The following RFC1 variants were observed in gnomAD, a reference collection of about 807,000 sequenced individuals.
RFC1 encodes the protein replication factor C subunit 1.
A neutral mutation model predicts 137.4 loss-of-function variants in RFC1; 37 were observed. The observed-to-expected ratio is 0.27, with a 90% CI of 0.21 to 0.35. The LOEUF is 0.35. Among genes scored for constraint, RFC1 ranks in the 10% least tolerant of loss-of-function variants. The pLI is 1.00. For missense variants in RFC1, 1,205 were observed against 1,358.5 expected, an observed-to-expected ratio of 0.89 and a Z score of 1.78; for synonymous variants, 429 against 455.7, an observed-to-expected ratio of 0.94 and a Z score of 0.75.
intron 10 of RFC1, among the ~76,000 whole-genome samples, chr4:39,315,662 G>A (rs1739203837): frequency 6.6e-6 from 1 of 152,106 alleles, no homozygotes; most frequent in Admixed American, 6.5e-5. Context: ...GATCCACCAA[G>A]CTGCTCATGC....
intron 1 of RFC1, among the ~76,000 whole-genome samples, chr4:39,360,518 TTAAAATAAAATAAAATAAAATAAAA>T (rs59665003): frequency 6.8e-6 from 1 of 146,270 alleles, no homozygotes; most frequent in Non-Finnish European, 1.5e-5. Context: ...CAAAATAAAA[TTAAAATAAAATAAAATAAAATAAAA>T]TAAAATAAAA....
At chr4:39,300,200 G>T in intron 20 of RFC1, 60 bp downstream of exon 20, 1 of 1,610,342 alleles carries the variant, frequency 6.2e-7, no homozygotes, top group Non-Finnish European at 8.5e-7. Context: ...TTCTTCACGG[G>T]TATTTAGCCT....
In RFC1 at chr4:39,306,618, T is replaced by A; in HGVS notation, c.1969A>T (p.Thr657Ser). The A allele has an allele frequency of 1.2e-6, 2 of 1,610,488 alleles. No individual in the cohort carries two copies. The highest frequency in any genetic ancestry group is 1.7e-6 in the Non-Finnish European group (2 of 1,176,718). Residue 657 changes from threonine (T) to serine (S), a missense_variant, in exon 14 of 25, where the codon ACC becomes TCC. Transcript: ENST00000349703. ...LLSGPPGVGK[T>S]TTASLVCQEL... is the part of the protein sequence containing the mutation. ...TGACACACCAGGGAAGCTGTGGTGG[T>A]TTTGCCAACACCAGGAGGGCCTGAC... is the stretch of plus-strand genomic sequence containing the variant.
Position 39,308,987 on chromosome 4 carries a change from G to T in RFC1, c.1534C>A (p.Gln512Lys). The stretch of plus-strand genomic sequence containing the variant: ...GATGGACTAATTTTTCTTTTTCCTT[G>T]GACATTTTTTTGGGGTGTTCTCTCC... ...KLERTPQKNVQGKRKISPSKK... is the reference protein window; with the variant it reads ...KLERTPQKNVKGKRKISPSKK... The change falls in exon 13 of 25, where the codon CAA (glutamine) becomes AAA (lysine). Residue 512 changes from glutamine to lysine, a missense_variant. Gln to Lys is a moderately conservative substitution (Grantham distance 53). Around this residue, in one of 3 missense-constraint regions of RFC1, gnomAD observed 962 missense variants for 1,035.3 expected, o/e 0.93. Coordinates refer to ENST00000349703, the MANE Select transcript of RFC1 (RefSeq NM_002913.5). 8 of 1,611,252 alleles carry T rather than the reference G, an allele frequency of 5.0e-6. No individual in the cohort carries two copies. The highest frequency in any genetic ancestry group is 5.9e-6 in the Non-Finnish European group (7 of 1,179,554).
intron 9 of RFC1, among the ~76,000 whole-genome samples, chr4:39,317,401 T>TAAACCTGGGG (rs1464056045): frequency 4.6e-5 from 7 of 152,204 alleles, no homozygotes; most frequent in Admixed American, 4.6e-4. Context: ...TTTCCCCAAG[T>TAAACCTGGGG]AAACCTGATC....
At chr4:39,300,212 C>T (rs745500083) in intron 20 of RFC1, 48 bp downstream of exon 20, 14 of 1,611,606 alleles carry the variant, frequency 8.7e-6, no homozygotes, top group African/African-American at 2.7e-5. Flanking sequence ...ATTTAGCCTT[C>T]GCAGTGCTGG....
intron 4 of RFC1, among the ~76,000 whole-genome samples, chr4:39,331,035 C>T (rs1740077354): frequency 3.3e-5 from 5 of 152,204 alleles, no homozygotes; most frequent in Admixed American, 3.3e-4. Flanking sequence ...ATAACAGCCA[C>T]GTGGATCACC....
chr4:39,291,197 G>C (rs1305285758), intron 23 of RFC1, among the ~76,000 whole-genome samples: 1 of 152,130 alleles, frequency 6.6e-6, no homozygotes, highest in Non-Finnish European at 1.5e-5. Flanking sequence ...TTACAGAGAA[G>C]ATTATCCAAC....
intron 16 of RFC1, 31 bp downstream of exon 16, chr4:39,303,029 T>C (rs1738446942): frequency 6.4e-7 from 1 of 1,557,310 alleles, no homozygotes; most frequent in Non-Finnish European, 8.9e-7. Flanking sequence ...TTATCAACAG[T>C]GAAACTGCAA....
intron 6 of RFC1, among the ~76,000 whole-genome samples, chr4:39,324,912 G>A (rs566729089): frequency 6.6e-6 from 1 of 152,264 alleles, no homozygotes; most frequent in East Asian, 1.9e-4. Context: ...TCTAACAGCC[G>A]GCAGCTAAGC....
In RFC1 at chr4:39,303,035, T is replaced by C. The variant is rs372513223; in HGVS notation, c.2202+25A>G. The C allele has an allele frequency of 3.2e-6, 5 of 1,572,070 alleles. No individual in the cohort carries two copies. In the African/African-American group the frequency reaches 4.0e-5, roughly 13 times the overall value. ...CAATCTAAATTATCAACAGTGAAAC[T>C]GCAAAAATACAGCACTTGAATTACC... is the stretch of plus-strand genomic sequence containing the variant. On this transcript the variant is annotated intron_variant, in intron 16 of 24. Coordinates refer to ENST00000349703, the MANE Select transcript of RFC1 (RefSeq NM_002913.5).
At position 39,323,375 on chromosome 4, in the gene RFC1, A is replaced by C. The variant is rs1171628276; in HGVS notation, c.685T>G (p.Leu229Val). Residue 229 changes from leucine (L) to valine (V), a missense_variant, in exon 7 of 25, where the codon TTA (leucine) becomes GTA (valine). By Grantham distance (32) the Leu-to-Val change is conservative. Coordinates refer to ENST00000349703, the MANE Select transcript of RFC1 (RefSeq NM_002913.5). Reference sequence around the variant, plus strand: ...TTGGGTTCTTCATCCAACATGGCTAATGTTCTGGCAAACTCTTCATCTTCA... The same window carrying C: ...TTGGGTTCTTCATCCAACATGGCTACTGTTCTGGCAAACTCTTCATCTTCA... The part of the protein sequence containing the change: ...LHEDEEFART[L>V]AMLDEEPKTK... 6.2e-7 allele frequency: 1 copy of C among 1,614,122 alleles called. No individual in the cohort carries two copies. Among genetic ancestry groups the C allele is most frequent in the Middle Eastern group, 1.7e-4 (1 of 6,058 alleles).
intron 14 of RFC1, among the ~76,000 whole-genome samples, chr4:39,306,370 T>C (rs1260091999): frequency 6.6e-6 from 1 of 152,258 alleles, no homozygotes; most frequent in Non-Finnish European, 1.5e-5. Flanking sequence ...TTGGTAAGTA[T>C]TGCTTATTAC....
intron 6 of RFC1, among the ~76,000 whole-genome samples, chr4:39,323,851 AT>A (rs1237658893): frequency 1.3e-5 from 2 of 152,162 alleles, no homozygotes; most frequent in African/African-American, 2.4e-5. Flanking sequence ...ATTATACAGT[AT>A]TTTTTTGGCA....
At chr4:39,356,082 C>G (rs1382659639) in intron 1 of RFC1, 1 of 151,364 alleles carries the variant, frequency 6.6e-6, no homozygotes, top group Non-Finnish European at 1.5e-5. Context: ...AGGTACATAC[C>G]CTTTGCCCAG....
intron 1 of RFC1, among the ~76,000 whole-genome samples, chr4:39,351,699 C>T (rs936952325): frequency 1.3e-5 from 2 of 152,108 alleles, no homozygotes; most frequent in African/African-American, 4.8e-5. Flanking sequence ...CGGTGGCTCA[C>T]GCCTGTAATC....
rs2109603939 is a variant in RFC1, at chr4:39,300,484, CG to C, written c.2536-71del. The C allele has an allele frequency of 2.7e-6, 3 of 1,123,442 alleles. No homozygotes were observed. The East Asian group carries it at 7.1e-5, about 27-fold the overall frequency. 69.6% of individuals were successfully genotyped at this position (1,123,442 alleles called of 1,614,324 possible). ...AAACGGTAACATCACCAAATGCTAA[CG>C]AGGATATGGAACAAGAGGAATTCCA... On this transcript the variant is annotated intron_variant, in intron 19 of 24. Coordinates refer to ENST00000349703, the MANE Select transcript of RFC1 (RefSeq NM_002913.5).
At chr4:39,296,617 A>G (rs1483279437) in intron 21 of RFC1, among the ~76,000 whole-genome samples, 3 of 151,294 alleles carry the variant, frequency 2.0e-5, no homozygotes, top group Admixed American at 6.6e-5. Context: ...ATTCCATGGT[A>G]TATATGTGCC....
intron 7 of RFC1, among the ~76,000 whole-genome samples, chr4:39,322,659 AT>A (rs1177567594): frequency 6.6e-6 from 1 of 152,138 alleles, no homozygotes; most frequent in Non-Finnish European, 1.5e-5. Context: ...CATGCTTCTA[AT>A]CCCAACACTT....
Sources: allele counts gnomAD v4.1 joint callset (sites outside exome capture counted in the v4.1 genomes callset), GRCh38; gene constraint gnomAD v4.1.1; regional missense constraint gnomAD v4.1.1; transcripts MANE v1.5; gene names NCBI Gene and HGNC (gene_info 2026-07-23, HGNC 2026-07-21).